IMPG2: variants seen among roughly 807,000 people sequenced by gnomAD.
The protein encoded by IMPG2 is interphotoreceptor matrix proteoglycan 2, also known as IPM 200.
IMPG2 carries 91 observed loss-of-function variants against 129.2 expected under a neutral mutation model. The ratio of observed to expected loss-of-function variants is 0.70; its 90% CI spans 0.59 to 0.84. The LOEUF (loss-of-function observed/expected upper bound fraction) is 0.84. Ranked by LOEUF, IMPG2 falls within the 40% of genes least tolerant of loss-of-function variation. IMPG2 has a pLI of 0.00. For synonymous variants in IMPG2, 510 were observed against 517.7 expected (o/e 0.99, Z 0.20); for missense variants, 1,430 against 1,461.7 (o/e 0.98, Z 0.35).
chr3:101,283,321 A>T (rs889876823), intron 4 of IMPG2, among the ~76,000 whole-genome samples: 6 of 152,000 alleles, frequency 3.9e-5, no homozygotes, highest in African/African-American at 1.4e-4. Context: ...CCACCATGCC[A>T]GCCACTAGTT....
intron 9 of IMPG2, among the ~76,000 whole-genome samples, chr3:101,266,735 T>C (rs542981739): frequency 6.6e-5 from 10 of 152,142 alleles, no homozygotes; most frequent in African/African-American, 2.2e-4. Context: ...TGGCTTGAGA[T>C]AGCCACTGGA....
At chr3:101,298,409 A>G (rs531001368) in intron 3 of IMPG2, among the ~76,000 whole-genome samples, 108 of 152,258 alleles carry the variant, frequency 7.1e-4, no homozygotes, top group African/African-American at 2.3e-3. Context: ...AAAGGTTAAT[A>G]TTGTTATGTG....
rs565305515 is a variant in IMPG2, at chr3:101,311,806, A to G, written c.335-7494T>C. Among the ~76,000 whole-genome samples the G allele has an allele frequency of 1.9e-4, 29 of 152,278 alleles. No individual in the cohort carries two copies. The East Asian group carries it at 2.5e-3, about 13-fold the overall frequency. On this transcript the variant is annotated intron_variant, in intron 2 of 18. Coordinates refer to ENST00000193391, the MANE Select transcript of IMPG2 (RefSeq NM_016247.4). Reference sequence around the variant, plus strand: ...GTGAATTCATGCCTAATTTCAAAACATACTAAAAGCAAAGACTACAGAACT... The same window carrying G: ...GTGAATTCATGCCTAATTTCAAAACGTACTAAAAGCAAAGACTACAGAACT...
At chr3:101,248,714 A>ACTAAAAGCACT (rs1158108327) in intron 11 of IMPG2, among the ~76,000 whole-genome samples, 1 of 152,232 alleles carries the variant, frequency 6.6e-6, no homozygotes, top group Non-Finnish European at 1.5e-5. Context: ...CCATCTTAAA[A>ACTAAAAGCACT]CTAAAAGCAC....
At chr3:101,253,916 G>T (rs976005276) in intron 10 of IMPG2, 135 bp from the exon 11 acceptor site, 3 of 662,722 alleles carry the variant, frequency 4.5e-6, no homozygotes, top group Non-Finnish European at 8.1e-6. Flanking sequence ...CACTTACTTA[G>T]AAAATGTTTG....
chr3:101,231,707 G>C (rs1000086216), intron 15 of IMPG2, among the ~76,000 whole-genome samples: 1 of 152,046 alleles, frequency 6.6e-6, no homozygotes, highest in African/African-American at 2.4e-5. Flanking sequence ...CCTGTTTCTG[G>C]CATCTATGCC....
chr3:101,251,705 A>T (rs1421683743), intron 11 of IMPG2, among the ~76,000 whole-genome samples: 1 of 152,158 alleles, frequency 6.6e-6, no homozygotes. Flanking sequence ...GCTCTAAAAT[A>T]ACTTTTTTTT....
At chr3:101,236,060 T>C (rs1706342509) in intron 14 of IMPG2, among the ~76,000 whole-genome samples, 1 of 152,180 alleles carries the variant, frequency 6.6e-6, no homozygotes, top group Non-Finnish European at 1.5e-5. Flanking sequence ...CATTAGCAAA[T>C]GCCTGATAGA....
rs917699257 is a variant in IMPG2 at position 101,242,993 on chromosome 3, G to A, written c.2803-86C>T. The A allele has an allele frequency of 4.3e-5, 45 of 1,037,750 alleles. No individual in the cohort carries two copies. In the Admixed American group the frequency reaches 5.4e-4, roughly 13 times the overall value. 64.3% of individuals were successfully genotyped at this position (1,037,750 alleles called of 1,614,324 possible). On this transcript the variant is annotated intron_variant, in intron 13 of 18. Coordinates refer to ENST00000193391, the MANE Select transcript of IMPG2 (RefSeq NM_016247.4). ...CCAAACAAAACAAAACAAAAACACAGGTAAGACCCTGCCTCACTTTTCCTA... is the reference window on the plus strand; with the variant it reads ...CCAAACAAAACAAAACAAAAACACAAGTAAGACCCTGCCTCACTTTTCCTA...
intron 14 of IMPG2, among the ~76,000 whole-genome samples, chr3:101,235,956 A>G (rs1441058304): frequency 6.6e-6 from 1 of 152,208 alleles, no homozygotes; most frequent in East Asian, 1.9e-4. Flanking sequence ...TGCCCTTGAG[A>G]GGGTGGCAGA....
chr3:101,300,075 A>G (rs557665191), intron 3 of IMPG2, among the ~76,000 whole-genome samples: 5 of 152,320 alleles, frequency 3.3e-5, no homozygotes, highest in African/African-American at 1.2e-4. Context: ...GGAAGATTAG[A>G]GTCTGTCCCT....
chr3:101,237,587 G>T (rs1706361259), intron 14 of IMPG2, among the ~76,000 whole-genome samples: 1 of 152,122 alleles, frequency 6.6e-6, no homozygotes, highest in African/African-American at 2.4e-5. Flanking sequence ...AGTCTGGAGT[G>T]GACCTCCAGC....
At chr3:101,270,893 G>T (rs1047605118) in intron 7 of IMPG2, among the ~76,000 whole-genome samples, 12 of 152,118 alleles carry the variant, frequency 7.9e-5, no homozygotes, top group African/African-American at 2.7e-4. Context: ...TCACCAGATG[G>T]GTCATGATGG....
chr3:101,235,905 T>C (rs550645212), intron 14 of IMPG2, among the ~76,000 whole-genome samples: 6 of 152,340 alleles, frequency 3.9e-5, no homozygotes, highest in African/African-American at 4.8e-5. Flanking sequence ...AGCAACATCA[T>C]AGCTGGCTGG....
intron 11 of IMPG2, among the ~76,000 whole-genome samples, chr3:101,252,130 A>ACAGC (rs144316852): frequency 0.023 from 3,429 of 152,292 alleles, 119 homozygotes; most frequent in African/African-American, 0.079. Context: ...AGCGGCAGCC[A>ACAGC]CAAGCTCCAG....
At chr3:101,268,168 C>A (rs1416125251) in intron 8 of IMPG2, among the ~76,000 whole-genome samples, 1 of 152,050 alleles carries the variant, frequency 6.6e-6, no homozygotes, top group Non-Finnish European at 1.5e-5. Flanking sequence ...TTTAATAAAG[C>A]AGGATTAAGG....
Position 101,319,718 on chromosome 3 carries a change from T to C in IMPG2, c.200A>G (p.Asp67Gly). The C allele has an allele frequency of 6.2e-7, 1 of 1,613,758 alleles. No homozygotes were observed. The highest frequency in any genetic ancestry group is 8.5e-7 in the Non-Finnish European group (1 of 1,179,836). The change falls in exon 2 of 19, where the codon GAC (aspartate) becomes GGC (glycine). Residue 67 changes from aspartate (D) to glycine (G), a missense_variant. Coordinates refer to ENST00000193391, the MANE Select transcript of IMPG2 (RefSeq NM_016247.4). Reference protein sequence around the residue: ...SLATKKKQPLDRRETERQWLI... With the variant: ...SLATKKKQPLGRRETERQWLI... ...CCACTGTCTTTCAGTTTCTCTGCGG[T>C]CCAGAGGCTGTTTCTTTTTGGTAGC... is the stretch of plus-strand genomic sequence containing the variant.
At chr3:101,289,507 C>T (rs1409421632) in intron 4 of IMPG2, among the ~76,000 whole-genome samples, 3 of 151,918 alleles carry the variant, frequency 2.0e-5, no homozygotes, top group African/African-American at 7.3e-5. Context: ...AATGCTATTA[C>T]ATGTTTGATA....
chr3:101,290,152 C>T (rs1706989928), intron 4 of IMPG2, among the ~76,000 whole-genome samples: 1 of 152,018 alleles, frequency 6.6e-6, no homozygotes, highest in African/African-American at 2.4e-5. Flanking sequence ...TACAGATCCA[C>T]TGTCTGTTGC....
Sources: gnomAD v4.1 joint callset for allele counts (sites outside exome capture counted in the v4.1 genomes callset) on GRCh38, gnomAD v4.1.1 for gene constraint, MANE v1.5 for transcripts, NCBI Gene and HGNC (gene_info 2026-07-23, HGNC 2026-07-21) for gene names.